IRAK1: variants seen among roughly 807,000 people sequenced by gnomAD.
The protein encoded by IRAK1 is interleukin-1 receptor-associated kinase 1.
A neutral mutation model predicts 49.8 loss-of-function variants in IRAK1; 9 were observed. That is an observed-to-expected ratio of 0.18 (90% CI 0.11 to 0.32). The LOEUF (loss-of-function observed/expected upper bound fraction) is 0.32. Ranked by LOEUF, IRAK1 falls within the 10% of genes least tolerant of loss-of-function variation. The pLI, the probability that IRAK1 is intolerant of heterozygous loss-of-function variation, is 1.00. For synonymous variants in IRAK1, 282 were observed against 270.8 expected (o/e 1.04, Z -0.41); for missense variants, 418 against 600.5 (o/e 0.70, Z 3.18).
At position 154,011,933 on chromosome X, in the gene IRAK1, GA is replaced by G; in HGVS notation, c.2081-17del. On this transcript the variant is annotated splice_polypyrimidine_tract_variant and intron_variant, in intron 13 of 13. Transcript: ENST00000369980. ...AGGCCCAAGCCTACAGAAGGAAGAG[GA>G]AAGTCCGCTTAGCAAATGGGGGAGG... The G allele has an allele frequency of 8.3e-7, 1 of 1,200,040 alleles. No homozygotes were observed. Among genetic ancestry groups the G allele is most frequent in the Non-Finnish European group, 1.1e-6 (1 of 887,227 alleles).
chrX:154,013,876 C>T lies in IRAK1; in HGVS notation c.1539+166G>A, dbSNP rs782461971. 5.3e-5 allele frequency among the ~76,000 whole-genome samples: 6 copies of T among 112,369 alleles called. No individual in the cohort carries two copies. The East Asian group carries it at 1.4e-3, about 27-fold the overall frequency. On this transcript the variant is annotated intron_variant, in intron 11 of 13. Transcript: ENST00000369980. ...TCCGCAAAGCAGGACTGCCCGGGGCCCCTCAGTTCAGAGGGGCGCTGCCCC... is the reference window on the plus strand; with the variant it reads ...TCCGCAAAGCAGGACTGCCCGGGGCTCCTCAGTTCAGAGGGGCGCTGCCCC...
intron 11 of IRAK1, 63 bp downstream of exon 11, chrX:154,013,979 A>T (rs1047672724): frequency 2.3e-5 from 27 of 1,161,265 alleles, no homozygotes; most frequent in Non-Finnish European, 3.1e-5. Context: ...GGGTCACTAC[A>T]GAGCAAGGCC....
At chrX:154,017,698 C>T (rs1010446770) in intron 7 of IRAK1, among the ~76,000 whole-genome samples, 25 of 101,261 alleles carry the variant, frequency 2.5e-4, no homozygotes, top group African/African-American at 8.4e-4. Context: ...CGGGAGGCTG[C>T]GGCAGGAGGA....
intron 6 of IRAK1, 54 bp downstream of exon 6, chrX:154,018,237 G>A: frequency 9.3e-7 from 1 of 1,072,564 alleles, no homozygotes; most frequent in Non-Finnish European, 1.3e-6. Flanking sequence ...CAGGTCCTGT[G>A]GTGTGCGGTC....
Position 154,016,501 on chromosome X carries a change from A to G in IRAK1, c.1172T>C (p.Leu391Pro). The change falls in exon 9 of 14, where the codon CTG becomes CCG. Residue 391 changes from leucine to proline, a missense_variant. Physicochemically the swap from Leu to Pro is moderately conservative, Grantham distance 98 (BLOSUM62 -3). This residue lies in a region of IRAK1 where 377 missense variants were observed against 499.5 expected (regional missense o/e 0.75). Coordinates refer to ENST00000369980, the MANE Select transcript of IRAK1 (RefSeq NM_001569.4). Reference sequence around the variant, plus strand: ...TCCCGTCTTGATGTACTCCTCGGGCAGGTAGGCCAGGGTGCCCCGCACTGT... The same window carrying G: ...TCCCGTCTTGATGTACTCCTCGGGCGGGTAGGCCAGGGTGCCCCGCACTGT... ...TQTVRGTLAY[L>P]PEEYIKTGRL... The G allele has an allele frequency of 8.3e-7, 1 of 1,211,857 alleles. No homozygotes were observed.
Position 154,011,253 on chromosome X carries a change from A to G in IRAK1, c.*606T>C. ...GCGTGCGCTACCACGCCAGGCTAAT[A>G]GTTTAAAAAATTTTTTGGCAGAGAC... On this transcript the variant is annotated 3_prime_UTR_variant, in exon 14 of 14. Coordinates refer to ENST00000369980, the MANE Select transcript of IRAK1 (RefSeq NM_001569.4). 3.8e-6 allele frequency: 1 copy of G among 261,409 alleles called. No individual in the cohort carries two copies. 21.5% of individuals were successfully genotyped at this position (261,409 alleles called of 1,213,427 possible). A position where few individuals can be genotyped will look rare whatever the true frequency, so the allele number is the denominator to read the frequency against.
At position 154,016,421 on chromosome X, in the gene IRAK1, G is replaced by A; in HGVS notation, c.1236+16C>T. ...GCTTCTCCTCCTCTGAGCCAGCAGA[G>A]GGGTCAGTGGCTCACCACCCCAAAG... On this transcript the variant is annotated intron_variant, in intron 9 of 13. Coordinates refer to ENST00000369980, the MANE Select transcript of IRAK1 (RefSeq NM_001569.4). The A allele has an allele frequency of 8.4e-7, 1 of 1,195,550 alleles. No homozygotes were observed. Among genetic ancestry groups the A allele is most frequent in the Non-Finnish European group, 1.1e-6 (1 of 881,035 alleles).
intron 7 of IRAK1, among the ~76,000 whole-genome samples, chrX:154,017,721 G>A (rs1020837180): frequency 9.8e-5 from 10 of 101,532 alleles, no homozygotes; most frequent in Admixed American, 7.6e-4. Flanking sequence ...GCCTGAACCC[G>A]GGAGGTGGAG....
chrX:154,018,395 G>A (rs185046704), intron 5 of IRAK1, 40 bp from the exon 6 acceptor site: 7 of 1,085,007 alleles, frequency 6.5e-6, no homozygotes, highest in Non-Finnish European at 8.8e-6. Context: ...GGGCAGGGAA[G>A]ACGGGCAGCG....
chrX:154,011,982 G>A, intron 13 of IRAK1, 65 bp from the exon 14 acceptor site: 1 of 978,166 alleles, frequency 1.0e-6, no homozygotes, highest in Non-Finnish European at 1.4e-6. Flanking sequence ...CAGAAGCCCT[G>A]GCTCAAGGCC....
chrX:154,017,547 G>A (rs1299280118), intron 7 of IRAK1, among the ~76,000 whole-genome samples: 1 of 111,964 alleles, frequency 8.9e-6, no homozygotes, highest in African/African-American at 3.2e-5. Context: ...TGTAATCCCA[G>A]CACTTTGGGA....
Position 154,019,804 on chromosome X carries a change from C to T in IRAK1, c.9G>A (p.Gly3=), listed in dbSNP as rs1301948610. The change falls in exon 1 of 14, where the codon GGG becomes GGA. Residue 3 remains glycine (G), a synonymous_variant. Coordinates refer to ENST00000369980, the MANE Select transcript of IRAK1 (RefSeq NM_001569.4). ...CTGCGGGCTCCCCCGGGCCCGGCCCCCCGGCCATGGCTGCCGCCGCCGGGC... is the reference window on the plus strand; with the variant it reads ...CTGCGGGCTCCCCCGGGCCCGGCCCTCCGGCCATGGCTGCCGCCGCCGGGC... The part of the protein sequence containing the change: MA[G]GPGPGEPAAP... The T allele has an allele frequency of 2.8e-5, 25 of 879,068 alleles. No homozygotes were observed. The highest frequency in any genetic ancestry group is 3.3e-5 in the Non-Finnish European group (24 of 718,909). The allele number at this position is 879,068 out of a possible 1,213,427, so 72.4% of individuals were successfully genotyped here.
rs1032889742 is a variant in IRAK1 at position 154,012,406 on chromosome X, C to T, written c.2080+123G>A. ...TGGGGCCGGCTGGGCTTCTAGAGGT[C>T]GCCAGAGCCAGTGGCCTGCCCGGCT... is the stretch of plus-strand genomic sequence containing the variant. On this transcript the variant is annotated intron_variant, in intron 13 of 13. Transcript: ENST00000369980. The T allele has an allele frequency of 3.3e-5, 27 of 807,262 alleles. 1 individual carries two copies. The highest frequency in any genetic ancestry group is 8.1e-5 in the South Asian group (3 of 37,097). The allele number at this position is 807,262 out of a possible 1,213,427, so 66.5% of individuals were successfully genotyped here.
rs10127175 is a variant in IRAK1, at chrX:154,018,721, A to T, written c.607T>A (p.Cys203Ser). Reference sequence around the variant, plus strand: ...TTGTGGGTGCCCCGGGAAATCTCACAGAGGGGCCAGCAAAACGGAAAGGGG... The same window carrying T: ...TTGTGGGTGCCCCGGGAAATCTCACTGAGGGGCCAGCAAAACGGAAAGGGG... ...ARPFPFCWPLCEISRGTHNFS... is the reference protein window; with the variant it reads ...ARPFPFCWPLSEISRGTHNFS... The change falls in exon 5 of 14, where the codon TGT becomes AGT. Residue 203 changes from cysteine to serine, a missense_variant. Physicochemically the swap from Cys to Ser is moderately radical, Grantham distance 112. Around this residue, in one of 3 missense-constraint regions of IRAK1, gnomAD observed 377 missense variants for 499.5 expected, o/e 0.75. Coordinates refer to ENST00000369980, the MANE Select transcript of IRAK1 (RefSeq NM_001569.4). 3.5e-3 allele frequency: 3,820 copies of T among 1,087,651 alleles called. 106 individuals carry two copies. In the African/African-American group the frequency reaches 0.062, roughly 18 times the overall value. The allele number at this position is 1,087,651 out of a possible 1,213,427, so 89.6% of individuals were successfully genotyped here.
intron 10 of IRAK1, 75 bp downstream of exon 10, chrX:154,015,956 AT>A: frequency 1.1e-6 from 1 of 873,361 alleles, no homozygotes; most frequent in Non-Finnish European, 1.7e-6. Context: ...CGCCCCAGTT[AT>A]CCCCGCCACT....
Position 154,019,668 on chromosome X carries a change from G to T in IRAK1, c.136+9C>A. ...GCCTCCCGCCCCCCGGCAGCCCGCC[G>T]CCACCCACCGAACTGGCACCAGTCG... On this transcript the variant is annotated intron_variant, in intron 1 of 13. Coordinates refer to ENST00000369980, the MANE Select transcript of IRAK1 (RefSeq NM_001569.4). The T allele has an allele frequency of 1.0e-6, 1 of 968,155 alleles. No individual in the cohort carries two copies. Among genetic ancestry groups the T allele is most frequent in the Admixed American group, 4.9e-5 (1 of 20,260 alleles). 79.8% of individuals were successfully genotyped at this position (968,155 alleles called of 1,213,427 possible).
rs3027901 is a variant in IRAK1, at chrX:154,011,829, G to C, written c.*30C>G. ...TCTGACCATGAGAACTTTGACTTCC[G>C]GATTTGGGGGATCTGCCCAGGTGAA... On this transcript the variant is annotated 3_prime_UTR_variant, in exon 14 of 14. Coordinates refer to ENST00000369980, the MANE Select transcript of IRAK1 (RefSeq NM_001569.4). 1 of 1,191,838 alleles carries C rather than the reference G, an allele frequency of 8.4e-7. No homozygotes were observed. The highest frequency in any genetic ancestry group is 1.1e-6 in the Non-Finnish European group (1 of 877,900).
At chrX:154,017,821 A>AAG (rs1557129783) in intron 7 of IRAK1, among the ~76,000 whole-genome samples, 185 bp downstream of exon 7, 13 of 100,816 alleles carry the variant, frequency 1.3e-4, no homozygotes, top group African/African-American at 4.0e-4. Flanking sequence ...AAAAAAAAAA[A>AAG]AAAAATTGAC....
rs782372018 is a variant in IRAK1 at position 154,018,618 on chromosome X, G to A, written c.710C>T (p.Ala237Val). The A allele has an allele frequency of 1.7e-6, 2 of 1,208,404 alleles. No individual in the cohort carries two copies. The highest frequency in any genetic ancestry group is 1.8e-5 in the South Asian group (1 of 56,796). The change falls in exon 5 of 14, where the codon GCT becomes GTT. Residue 237 changes from alanine to valine, a missense_variant. Coordinates refer to ENST00000369980, the MANE Select transcript of IRAK1 (RefSeq NM_001569.4). ...YRAVMRNTVYAVKRLKENADL... is the reference protein window; with the variant it reads ...YRAVMRNTVYVVKRLKENADL... ...ACTCACCTCCTTCAGCCTCTTCACAGCATACACCGTGTTCCTCATCACCGC... is the reference window on the plus strand; with the variant it reads ...ACTCACCTCCTTCAGCCTCTTCACAACATACACCGTGTTCCTCATCACCGC...
Sources: gnomAD v4.1 joint callset for allele counts (sites outside exome capture counted in the v4.1 genomes callset) on GRCh38, gnomAD v4.1.1 for gene constraint, gnomAD v4.1.1 regional missense constraint, MANE v1.5 for transcripts, NCBI Gene and HGNC (gene_info 2026-07-23, HGNC 2026-07-21) for gene names.